Variants in RNF149 observed in about 807,000 individuals in gnomAD.
The protein encoded by RNF149 is ring finger protein 149, also known as E3 ubiquitin-protein ligase RNF149.
A neutral mutation model predicts 39.0 loss-of-function variants in RNF149; 21 were observed. That is an observed-to-expected ratio of 0.54 (90% CI 0.38 to 0.77). The LOEUF (loss-of-function observed/expected upper bound fraction) is 0.77. RNF149 is among the 30% of genes least tolerant of loss of function. RNF149 has a pLI of 0.00. For synonymous variants in RNF149, 209 were observed against 213.6 expected (o/e 0.98, Z 0.19); for missense variants, 493 against 534.9 (o/e 0.92, Z 0.77).
chr2:101,289,988 T>C (rs922353665), intron 3 of RNF149, among the ~76,000 whole-genome samples: 4 of 152,116 alleles, frequency 2.6e-5, no homozygotes, highest in African/African-American at 9.7e-5. Flanking sequence ...GAGACCATCC[T>C]GGCCAACATG....
intron 1 of RNF149, among the ~76,000 whole-genome samples, chr2:101,303,895 C>A (rs73943448): frequency 0.018 from 2,670 of 152,308 alleles, 73 homozygotes; most frequent in African/African-American, 0.06. Flanking sequence ...CAGTACTTGG[C>A]ACTCAGTAAA....
chr2:101,285,352 G>C (rs1414139293), intron 5 of RNF149, among the ~76,000 whole-genome samples: 1 of 152,088 alleles, frequency 6.6e-6, no homozygotes, highest in African/African-American at 2.4e-5. Context: ...TTGGACCCTG[G>C]AATTAGGCAA....
At position 101,308,297 on chromosome 2, in the gene RNF149, CGAA is replaced by C. The variant is rs765851868; in HGVS notation, c.289_291del (p.Phe97del). 13 of 1,580,252 alleles carry C rather than the reference CGAA, an allele frequency of 8.2e-6. No individual in the cohort carries two copies. The highest frequency in any genetic ancestry group is 1.8e-5 in the Admixed American group (1 of 55,458). ...GCCCCTCGGCCGCCGGGCTCGGGCACGAAGAAGCGCGTGTCGGGCGCGCAGCCC... is the reference window on the plus strand; with the variant it reads ...GCCCCTCGGCCGCCGGGCTCGGGCACGAAGCGCGTGTCGGGCGCGCAGCCC... On this transcript the variant is annotated inframe_deletion, in exon 1 of 7. Coordinates refer to ENST00000295317, the MANE Select transcript of RNF149 (RefSeq NM_173647.4).
At chr2:101,273,200 A>G, downstream of RNF149, 1 of 1,127,096 alleles carries the variant, frequency 8.9e-7, no homozygotes, top group South Asian at 1.3e-5. Context: ...ACGCCAGTCC[A>G]GACACCGAGG....
chr2:101,294,177 G>A, intron 2 of RNF149, 95 bp from the exon 3 acceptor site: 1 of 688,388 alleles, frequency 1.5e-6, no homozygotes, highest in Non-Finnish European at 2.5e-6. Context: ...TAAGCATACA[G>A]AAAACATTTC....
chr2:101,282,906 G>T (rs570074046), intron 5 of RNF149, among the ~76,000 whole-genome samples: 1 of 152,002 alleles, frequency 6.6e-6, no homozygotes, highest in East Asian at 1.9e-4. Flanking sequence ...CACCAGTAAC[G>T]TAACGCCCTC....
At chr2:101,299,629 C>T (rs188850803) in intron 1 of RNF149, among the ~76,000 whole-genome samples, 177 of 152,274 alleles carry the variant, frequency 1.2e-3, no homozygotes, top group African/African-American at 4.0e-3. Context: ...AATAGTACAA[C>T]GAAGTCTCAT....
chr2:101,294,693 G>A (rs1394093769), intron 2 of RNF149: 5 of 462,018 alleles, frequency 1.1e-5, no homozygotes, highest in African/African-American at 2.0e-5. Context: ...GACTAAGAGG[G>A]TTCCTGCAGG....
chr2:101,283,837 C>T (rs1395589989), intron 5 of RNF149, among the ~76,000 whole-genome samples: 1 of 152,124 alleles, frequency 6.6e-6, no homozygotes, highest in Non-Finnish European at 1.5e-5. Context: ...AGTCCCTCTG[C>T]TATGGTCAGT....
chr2:101,308,393 C>T lies in RNF149; in HGVS notation c.196G>A (p.Asp66Asn), dbSNP rs1344338221. The change falls in exon 1 of 7, where the codon GAC becomes AAC. Residue 66 changes from aspartate to asparagine, a missense_variant. Physicochemically the swap from Asp to Asn is conservative, Grantham distance 23. Transcript: ENST00000295317. ...TGCGCGCCCTCCTTGGGCGAGCTGT[C>T]GCCGAAGCGGCCACTCTCCGAGACG... ...WSVSESGRFGDSSPKEGAHGL... is the reference protein window; with the variant it reads ...WSVSESGRFGNSSPKEGAHGL... 3 of 1,610,168 alleles carry T rather than the reference C, an allele frequency of 1.9e-6. No homozygotes were observed. Among genetic ancestry groups the T allele is most frequent in the Non-Finnish European group, 1.7e-6 (2 of 1,179,078 alleles).
At chr2:101,293,036 T>G (rs1027248214) in intron 3 of RNF149, among the ~76,000 whole-genome samples, 3 of 150,966 alleles carry the variant, frequency 2.0e-5, no homozygotes, top group African/African-American at 4.9e-5. Flanking sequence ...AATAATACCT[T>G]GCACAAACTA....
Position 101,281,910 on chromosome 2 carries a change from G to A in RNF149, c.1108C>T (p.Gln370Ter). ...TCTCCTTTAAAGCTGGGATCACACT[G>A]TGGCTCAGATTCAGCAGGGGAGGCT... ...PSASPAESEP[Q>*]CDPSFKGDAG... The change falls in exon 6 of 7, where the codon CAG becomes TAG. Residue 370 changes from glutamine (Q) to a stop codon, truncating the protein, a stop_gained. Coordinates refer to ENST00000295317, the MANE Select transcript of RNF149 (RefSeq NM_173647.4). LOFTEE classifies it high-confidence loss of function. The A allele has an allele frequency of 6.2e-7, 1 of 1,614,034 alleles. No homozygotes were observed. The highest frequency in any genetic ancestry group is 1.3e-5 in the African/African-American group (1 of 74,984).
intron 6 of RNF149, chr2:101,281,639 T>C: frequency 1.8e-6 from 1 of 551,326 alleles, no homozygotes; most frequent in Non-Finnish European, 3.2e-6. Context: ...TAGCTGGGAC[T>C]ACAGGAGAAT....
chr2:101,308,383 G>T lies in RNF149; in HGVS notation c.206C>A (p.Pro69His). 2 of 1,609,738 alleles carry T rather than the reference G, an allele frequency of 1.2e-6. No individual in the cohort carries two copies. Among genetic ancestry groups the T allele is most frequent in the Non-Finnish European group, 1.7e-6 (2 of 1,178,986 alleles). ...CACCAGGCCATGCGCGCCCTCCTTG[G>T]GCGAGCTGTCGCCGAAGCGGCCACT... Reference protein sequence around the residue: ...SESGRFGDSSPKEGAHGLVGV... With the variant: ...SESGRFGDSSHKEGAHGLVGV... The change falls in exon 1 of 7, where the codon CCC becomes CAC. Residue 69 changes from proline to histidine, a missense_variant. Physicochemically the swap from Pro to His is moderately conservative, Grantham distance 77. Coordinates refer to ENST00000295317, the MANE Select transcript of RNF149 (RefSeq NM_173647.4).
At chr2:101,273,070 T>C (rs753933504), downstream of RNF149, 1 of 1,358,922 alleles carries the variant, frequency 7.4e-7, no homozygotes. Context: ...AGCAGTCTTC[T>C]GGGAAAGGCT....
chr2:101,289,853 T>C (rs1471493796), intron 3 of RNF149, among the ~76,000 whole-genome samples: 1 of 152,188 alleles, frequency 6.6e-6, no homozygotes, highest in African/African-American at 2.4e-5. Flanking sequence ...AGTTTGATTT[T>C]ATATGCAGAT....
chr2:101,297,188 G>A (rs1294306406), intron 1 of RNF149, among the ~76,000 whole-genome samples: 1 of 151,398 alleles, frequency 6.6e-6, no homozygotes, highest in African/African-American at 2.5e-5. Flanking sequence ...CAGCCTGGGC[G>A]ACAAGAGCAA....
chr2:101,303,298 G>A (rs1353403316), intron 1 of RNF149, among the ~76,000 whole-genome samples: 1 of 89,768 alleles, frequency 1.1e-5, no homozygotes, highest in Non-Finnish European at 2.3e-5. Context: ...TTTTTTTTTT[G>A]TATTTTTAGT....
In RNF149 at chr2:101,297,758, A is replaced by G. The variant is rs116753343; in HGVS notation, c.461-2577T>C. ...CAAGTCAGTGGCTTTTAGTGGATTC[A>G]TAAGGTTGTATGTACAACCATCATC... On this transcript the variant is annotated intron_variant, in intron 1 of 6. Coordinates refer to ENST00000295317, the MANE Select transcript of RNF149 (RefSeq NM_173647.4). 6.3e-3 allele frequency among the ~76,000 whole-genome samples: 955 copies of G among 152,372 alleles called. 4 individuals are homozygous for G. The highest frequency in any genetic ancestry group is 0.022 in the African/African-American group (912 of 41,594).
Sources: gnomAD v4.1 joint callset for allele counts (sites outside exome capture counted in the v4.1 genomes callset) on GRCh38, gnomAD v4.1.1 for gene constraint, MANE v1.5 for transcripts, NCBI Gene and HGNC (gene_info 2026-07-23, HGNC 2026-07-21) for gene names.